PCDHGA6: variants seen among roughly 807,000 people sequenced by gnomAD.
PCDHGA6 encodes protocadherin gamma subfamily A, 6, also known as protocadherin gamma-A6.
PCDHGA6 carries 41 observed loss-of-function variants against 60.6 expected under a neutral mutation model. The ratio of observed to expected loss-of-function variants is 0.68; its 90% CI spans 0.53 to 0.88. The LOEUF (loss-of-function observed/expected upper bound fraction) is 0.88. Ranked by LOEUF, PCDHGA6 falls within the 40% of genes least tolerant of loss-of-function variation. PCDHGA6 has a pLI of 0.00. For missense variants in PCDHGA6, 1,312 were observed against 1,203.0 expected (o/e 1.09, Z -1.34); for synonymous variants, 594 against 524.4 (o/e 1.13, Z -1.81).
chr5:141,504,135 C>T (rs758903340), intron 2 of PCDHGA6, among the ~76,000 whole-genome samples: 1 of 152,188 alleles, frequency 6.6e-6, no homozygotes, highest in Non-Finnish European at 1.5e-5. Context: ...CCCGCCAACA[C>T]TCCCCTGCAA....
chr5:141,412,992 G>A (rs1367027301), intron 1 of PCDHGA6: 1 of 568,350 alleles, frequency 1.8e-6, no homozygotes, highest in Non-Finnish European at 3.0e-6. Flanking sequence ...AGCTCAATCC[G>A]GATTCTCAGG....
Position 141,477,763 on chromosome 5 carries a change from C to G in PCDHGA6, c.2425-17044C>G, listed in dbSNP as rs763322593. The G allele has an allele frequency of 6.2e-7, 1 of 1,614,012 alleles. No homozygotes were observed. Among genetic ancestry groups the G allele is most frequent in the Non-Finnish European group, 8.5e-7 (1 of 1,180,032 alleles). Reference sequence around the variant, plus strand: ...ATGGGGGCACCCCGGTCCTAGCCACCAACATCAGCGTGAACATATTTGTCA... The same window carrying G: ...ATGGGGGCACCCCGGTCCTAGCCACGAACATCAGCGTGAACATATTTGTCA... On this transcript the variant is annotated intron_variant, in intron 1 of 3. Transcript: ENST00000517434. This position sits in a 1 kb window ranked among gnomAD's most constrained non-coding sequence, Gnocchi z 4.9.
At position 141,431,698 on chromosome 5, in the gene PCDHGA6, AT is replaced by A. The variant is rs2097408637; in HGVS notation, c.2424+55193del. ...GGGAGTTGGACCACGAGGAGTCAGG[AT>A]TCTACCAGATGGAAGTGCAAGCAAT... On this transcript the variant is annotated intron_variant, in intron 1 of 3. Coordinates refer to ENST00000517434, the MANE Select transcript of PCDHGA6 (RefSeq NM_018919.3). The surrounding 1 kb of genome is among the most constrained non-coding windows in gnomAD (Gnocchi z 4.8). 4.3e-6 allele frequency: 7 copies of A among 1,614,104 alleles called. 1 individual carries two copies. The South Asian group carries it at 7.7e-5, about 18-fold the overall frequency.
At position 141,491,919 on chromosome 5, in the gene PCDHGA6, C is replaced by A. The variant is rs1177043977; in HGVS notation, c.2425-2888C>A. 1.5e-6 allele frequency: 2 copies of A among 1,361,778 alleles called. No homozygotes were observed. Among genetic ancestry groups the A allele is most frequent in the South Asian group, 1.6e-5 (1 of 64,218 alleles). 84.4% of individuals were successfully genotyped at this position (1,361,778 alleles called of 1,614,324 possible). A position where few individuals can be genotyped will look rare whatever the true frequency, so the allele number is the denominator to read the frequency against. On this transcript the variant is annotated intron_variant, in intron 1 of 3. Coordinates refer to ENST00000517434, the MANE Select transcript of PCDHGA6 (RefSeq NM_018919.3). The surrounding 1 kb of genome is among the most constrained non-coding windows in gnomAD (Gnocchi z 6.9). ...CACCGGGGGTGGTGGCGACTGTGGGCGAGGGGAGGTGGGACCGACCCCCAC... is the reference window on the plus strand; with the variant it reads ...CACCGGGGGTGGTGGCGACTGTGGGAGAGGGGAGGTGGGACCGACCCCCAC...
chr5:141,384,374 C>A, intron 1 of PCDHGA6: 1 of 1,613,920 alleles, frequency 6.2e-7, no homozygotes, highest in Non-Finnish European at 8.5e-7. Flanking sequence ...TATTCCTTGG[C>A]CGAAGACACC....
At chr5:141,465,488 G>A (rs2099104080) in intron 1 of PCDHGA6, among the ~76,000 whole-genome samples, 1 of 152,224 alleles carries the variant, frequency 6.6e-6, no homozygotes. Flanking sequence ...AGAGGAATGA[G>A]CGGGAGCATT....
At chr5:141,423,448 T>A (rs780751840) in intron 1 of PCDHGA6, 1 of 1,613,992 alleles carries the variant, frequency 6.2e-7, no homozygotes, top group East Asian at 2.2e-5. Context: ...CACGTCACAT[T>A]TTGTAGGCGT....
chr5:141,383,073 G>A, intron 1 of PCDHGA6: 1 of 1,613,920 alleles, frequency 6.2e-7, no homozygotes. Context: ...AGCCCCGGGA[G>A]CTGGCGGAGC....
chr5:141,476,053 A>G lies in PCDHGA6; in HGVS notation c.2425-18754A>G. 2 of 1,501,944 alleles carry G rather than the reference A, an allele frequency of 1.3e-6. No homozygotes were observed. Among genetic ancestry groups the G allele is most frequent in the Non-Finnish European group, 1.8e-6 (2 of 1,131,392 alleles). 93.0% of individuals were successfully genotyped at this position (1,501,944 alleles called of 1,614,324 possible). ...CAGCGCCCAAGCGCTAACCCGCTGA[A>G]AGTTTCTCAGCGAAATCTCAGGGAC... On this transcript the variant is annotated intron_variant, in intron 1 of 3. Coordinates refer to ENST00000517434, the MANE Select transcript of PCDHGA6 (RefSeq NM_018919.3). The surrounding 1 kb of genome is among the most constrained non-coding windows in gnomAD (Gnocchi z 7.6).
chr5:141,411,859 C>CA (rs553337516), intron 1 of PCDHGA6: 8,585 of 145,752 alleles, frequency 0.059, 330 homozygotes, highest in Non-Finnish European at 0.088. Context: ...GACCCTGTCT[C>CA]AAAAAAAAAA....
At chr5:141,415,445 A>G (rs1225407576) in intron 1 of PCDHGA6, 7 of 1,614,202 alleles carry the variant, frequency 4.3e-6, no homozygotes, top group South Asian at 1.1e-5. Flanking sequence ...CTGCAGACCT[A>G]TTCCCACGAG....
rs986276637 is a variant in PCDHGA6, at chr5:141,487,728, C to A, written c.2425-7079C>A. The A allele has an allele frequency of 3.2e-6, 5 of 1,570,444 alleles. No individual in the cohort carries two copies. The highest frequency in any genetic ancestry group is 2.3e-5 in the East Asian group (1 of 42,866). On this transcript the variant is annotated intron_variant, in intron 1 of 3. Transcript: ENST00000517434. The surrounding 1 kb of genome is among the most constrained non-coding windows in gnomAD (Gnocchi z 5.0). ...TCAGTAAGTGCCCATAGTGATGTCACCATTTTTGTAAGAGGTAACTATGTG... is the reference window on the plus strand; with the variant it reads ...TCAGTAAGTGCCCATAGTGATGTCAACATTTTTGTAAGAGGTAACTATGTG...
At position 141,450,007 on chromosome 5, in the gene PCDHGA6, T is replaced by TA. The variant is rs57702245; in HGVS notation, c.2425-44800_2425-44799insA. Among the ~76,000 whole-genome samples the TA allele has an allele frequency of 5.9e-4, 19 of 31,956 alleles. No homozygotes were observed. In the African/African-American group the frequency reaches 7.8e-3, roughly 13 times the overall value. 21.0% of individuals were successfully genotyped at this position (31,956 alleles called of 152,430 possible). A position where few individuals can be genotyped will look rare whatever the true frequency, so the allele number is the denominator to read the frequency against. On this transcript the variant is annotated intron_variant, in intron 1 of 3. Coordinates refer to ENST00000517434, the MANE Select transcript of PCDHGA6 (RefSeq NM_018919.3). Reference sequence around the variant, plus strand: ...ACATTGCATTTAGTTGCCATGTCTCTTTTTTTTTTTTTTTTTTGAGACAGG... The same window carrying TA: ...ACATTGCATTTAGTTGCCATGTCTCTATTTTTTTTTTTTTTTTTGAGACAGG...
rs543038539 is a variant in PCDHGA6 at position 141,415,850 on chromosome 5, C to A, written c.2424+39343C>A. 7.3e-6 allele frequency: 9 copies of A among 1,230,004 alleles called. No homozygotes were observed. In the East Asian group the frequency reaches 2.6e-4, roughly 35 times the overall value. The allele number at this position is 1,230,004 out of a possible 1,614,324, so 76.2% of individuals were successfully genotyped here. ...TTTGTTATGATTAGCTTTGCAGAAC[C>A]TTGTAGTTTATAGTGTTGTTGAGTA... On this transcript the variant is annotated intron_variant, in intron 1 of 3. Coordinates refer to ENST00000517434, the MANE Select transcript of PCDHGA6 (RefSeq NM_018919.3).
intron 1 of PCDHGA6, chr5:141,414,410 G>A (rs1216701146): frequency 1.2e-6 from 2 of 1,613,856 alleles, no homozygotes; most frequent in Non-Finnish European, 1.7e-6. Context: ...GTGATACACA[G>A]AGCCCTTGAC....
chr5:141,480,719 A>G (rs1455113968), intron 1 of PCDHGA6, among the ~76,000 whole-genome samples: 1 of 152,194 alleles, frequency 6.6e-6, no homozygotes, highest in Non-Finnish European at 1.5e-5. Flanking sequence ...ATGAAAGCAC[A>G]GTCTCTGGGG....
In PCDHGA6 at chr5:141,441,656, CT is replaced by C. The variant is rs200391207; in HGVS notation, c.2425-53149del. 8.0e-3 allele frequency: 1,976 copies of C among 247,682 alleles called. 54 individuals carry two copies. The highest frequency in any genetic ancestry group is 0.043 in the African/African-American group (1,846 of 42,486). The allele number at this position is 247,682 out of a possible 1,614,324, so 15.3% of individuals were successfully genotyped here. A position where few individuals can be genotyped will look rare whatever the true frequency, so the allele number is the denominator to read the frequency against. On this transcript the variant is annotated intron_variant, in intron 1 of 3. Coordinates refer to ENST00000517434, the MANE Select transcript of PCDHGA6 (RefSeq NM_018919.3). ...CACAGGCGCTGTGATTCTAGGTGTC[CT>C]TGAGCGCACAGTGCGCCTTCGACCA...
At chr5:141,455,860 A>ATTATTTAT (rs145569377) in intron 1 of PCDHGA6, among the ~76,000 whole-genome samples, 155 of 139,844 alleles carry the variant, frequency 1.1e-3, no homozygotes, top group Non-Finnish European at 1.5e-3. Flanking sequence ...AATTTCTTTT[A>ATTATTTAT]TTATTTATTT....
Position 141,487,532 on chromosome 5 carries a change from A to C in PCDHGA6, c.2425-7275A>C. 6.2e-7 allele frequency: 1 copy of C among 1,614,158 alleles called. No homozygotes were observed. Among genetic ancestry groups the C allele is most frequent in the Non-Finnish European group, 8.5e-7 (1 of 1,180,022 alleles). On this transcript the variant is annotated intron_variant, in intron 1 of 3. Transcript: ENST00000517434. This position sits in a 1 kb window ranked among gnomAD's most constrained non-coding sequence, Gnocchi z 5.0. Reference sequence around the variant, plus strand: ...ACCCACTCGGAGTGATAGCTTCATGATGGTGAAGTCACCCAGTGCACCTAT... The same window carrying C: ...ACCCACTCGGAGTGATAGCTTCATGCTGGTGAAGTCACCCAGTGCACCTAT...
Sources: allele counts gnomAD v4.1 joint callset (sites outside exome capture counted in the v4.1 genomes callset), GRCh38; gene constraint gnomAD v4.1.1; non-coding constraint Gnocchi (gnomAD v3.1); transcripts MANE v1.5; gene names NCBI Gene and HGNC (gene_info 2026-07-23, HGNC 2026-07-21).